Variants in ERAP2 observed in about 807,000 individuals in gnomAD.
The protein encoded by ERAP2 is leukocyte-derived arginine aminopeptidase.
A neutral mutation model predicts 111.1 loss-of-function variants in ERAP2; 118 were observed. That is an observed-to-expected ratio of 1.06 (90% CI 0.92 to 1.24). The LOEUF is 1.24. Among genes scored for constraint, ERAP2 ranks in the 50% most tolerant of loss-of-function variants. The pLI is 0.00. For synonymous variants in ERAP2, 410 were observed against 401.2 expected (o/e 1.02, Z -0.26); for missense variants, 1,131 against 1,125.8 (o/e 1.00, Z -0.07).
intron 3 of ERAP2, 101 bp downstream of exon 3, chr5:96,884,031 T>C (rs1783448881): frequency 9.7e-7 from 1 of 1,034,198 alleles, no homozygotes; most frequent in Admixed American, 3.0e-5. Flanking sequence ...CATTAATTTG[T>C]TTTTATCTAT....
intron 9 of ERAP2, among the ~76,000 whole-genome samples, chr5:96,897,510 GATA>G (rs1237335002): frequency 6.7e-6 from 1 of 150,008 alleles, no homozygotes; most frequent in Non-Finnish European, 1.5e-5. Context: ...GTTCAATAAT[GATA>G]ATGTGCTTAA....
intron 17 of ERAP2, among the ~76,000 whole-genome samples, chr5:96,914,303 T>C (rs1472120866): frequency 6.6e-6 from 1 of 152,198 alleles, no homozygotes; most frequent in African/African-American, 2.4e-5. Context: ...GCATCCCTGA[T>C]ATCATTAATT....
At chr5:96,884,891 C>T (rs921131321) in intron 3 of ERAP2, among the ~76,000 whole-genome samples, 1 of 152,184 alleles carries the variant, frequency 6.6e-6, no homozygotes, top group Non-Finnish European at 1.5e-5. Flanking sequence ...GTGACAATTG[C>T]CATGCAAGTA....
At chr5:96,887,414 C>T (rs1783872359) in intron 4 of ERAP2, among the ~76,000 whole-genome samples, 1 of 151,492 alleles carries the variant, frequency 6.6e-6, no homozygotes, top group Admixed American at 6.6e-5. Flanking sequence ...AATTCTCCTG[C>T]CTCAGCCTCC....
chr5:96,886,133 T>C (rs548822247), intron 3 of ERAP2, among the ~76,000 whole-genome samples: 1 of 152,312 alleles, frequency 6.6e-6, no homozygotes, highest in East Asian at 1.9e-4. Context: ...TCTGTGAACA[T>C]TTCAGAGTCT....
Position 96,879,932 on chromosome 5 carries a change from C to A in ERAP2, c.247C>A (p.His83Asn). Residue 83 changes from histidine (H) to asparagine (N), a missense_variant, in exon 2 of 19, where the codon CAC (histidine) becomes AAC (asparagine). Physicochemically the swap from His to Asn is moderately conservative, Grantham distance 68 (BLOSUM62 1). This residue lies in a region of ERAP2 where 847 missense variants were observed against 856.5 expected (regional missense o/e 0.99). Coordinates refer to ENST00000437043, the MANE Select transcript of ERAP2 (RefSeq NM_022350.5). Reference protein sequence around the residue: ...VIPLHYDLFVHPNLTSLDFVA... With the variant: ...VIPLHYDLFVNPNLTSLDFVA... ...TCCTCTCCATTATGACCTCTTTGTCCACCCCAATCTCACCTCTCTGGACTT... is the reference window on the plus strand; with the variant it reads ...TCCTCTCCATTATGACCTCTTTGTCAACCCCAATCTCACCTCTCTGGACTT... The A allele has an allele frequency of 6.2e-7, 1 of 1,614,150 alleles. No homozygotes were observed. Among genetic ancestry groups the A allele is most frequent in the Non-Finnish European group, 8.5e-7 (1 of 1,180,028 alleles).
rs764833049 is a variant in ERAP2 at position 96,901,641 on chromosome 5, G to T, written c.1708G>T (p.Val570Phe). The T allele has an allele frequency of 1.9e-6, 3 of 1,613,932 alleles. No individual in the cohort carries two copies. In the African/African-American group the frequency reaches 4.0e-5, roughly 22 times the overall value. ...RLQQERFLQG[V>F]FQEDPEWRAL... Reference sequence around the variant, plus strand: ...GCAACAGGAGCGCTTCCTCCAGGGGGTTTTCCAGGAAGACCCTGAATGGAG... The same window carrying T: ...GCAACAGGAGCGCTTCCTCCAGGGGTTTTTCCAGGAAGACCCTGAATGGAG... The change falls in exon 11 of 19, where the codon GTT becomes TTT. Residue 570 changes from valine (V) to phenylalanine (F), a missense_variant. Val to Phe is a conservative substitution (Grantham distance 50). Coordinates refer to ENST00000437043, the MANE Select transcript of ERAP2 (RefSeq NM_022350.5).
At position 96,903,402 on chromosome 5, in the gene ERAP2, C is replaced by T. The variant is rs750768629; in HGVS notation, c.1854C>T (p.Thr618=). ...KTDTLDLPEK[T]SWVKFNVDSN... is the part of the protein sequence containing the mutation. ...ATACTCTGGATCTACCTGAAAAGAC[C>T]AGTTGGGTGAAATTTAATGTGGACT... Residue 618 remains threonine (T), a synonymous_variant, in exon 13 of 19, where the codon ACC becomes ACT. Transcript: ENST00000437043. 7.4e-6 allele frequency: 12 copies of T among 1,612,858 alleles called. No homozygotes were observed. Among genetic ancestry groups the T allele is most frequent in the Non-Finnish European group, 1.0e-5 (12 of 1,179,540 alleles).
At chr5:96,914,148 TCACA>T (rs1554061288) in intron 17 of ERAP2, among the ~76,000 whole-genome samples, 1 of 147,980 alleles carries the variant, frequency 6.8e-6, no homozygotes, top group African/African-American at 2.5e-5. Context: ...TCTCTCTCTC[TCACA>T]CACACACACA....
Position 96,909,666 on chromosome 5 carries a change from G to C in ERAP2, c.2256G>C (p.Ser752=). ...KGSVWDRMLR[S]ALLKLACDLN... Reference sequence around the variant, plus strand: ...CAGTCTGGGACAGGATGCTCCGCTCGGCTCTCTTGAAGCTGGCCTGTGACC... The same window carrying C: ...CAGTCTGGGACAGGATGCTCCGCTCCGCTCTCTTGAAGCTGGCCTGTGACC... Residue 752 remains serine (S), a synonymous_variant, in exon 15 of 19, where the codon TCG becomes TCC. Transcript: ENST00000437043. The C allele has an allele frequency of 6.2e-7, 1 of 1,614,150 alleles. No individual in the cohort carries two copies. Among genetic ancestry groups the C allele is most frequent in the Non-Finnish European group, 8.5e-7 (1 of 1,180,020 alleles).
At chr5:96,906,748 C>T (rs1028634547) in intron 13 of ERAP2, among the ~76,000 whole-genome samples, 1 of 152,106 alleles carries the variant, frequency 6.6e-6, no homozygotes, top group African/African-American at 2.4e-5. Flanking sequence ...GAGAAAACCC[C>T]ACATTGGGCG....
At chr5:96,895,162 AAGTT>A (rs1784744918) in intron 6 of ERAP2, 80 bp from the exon 7 acceptor site, 14 of 778,088 alleles carry the variant, frequency 1.8e-5, no homozygotes, top group East Asian at 1.1e-4. Context: ...AATAAAAAAA[AAGTT>A]AGTAACTATT....
chr5:96,880,922 G>A (rs1426524291), intron 2 of ERAP2: 2 of 158,728 alleles, frequency 1.3e-5, no homozygotes, highest in Admixed American at 5.9e-5. Flanking sequence ...AATGAGGCTG[G>A]AGATTGAAAC....
intron 6 of ERAP2, among the ~76,000 whole-genome samples, chr5:96,893,292 TATC>T (rs962903817): frequency 6.6e-6 from 1 of 152,174 alleles, no homozygotes; most frequent in African/African-American, 2.4e-5. Flanking sequence ...AGTGGGCAAA[TATC>T]ATTCTGTTGT....
chr5:96,881,959 T>C (rs148488906), intron 2 of ERAP2, among the ~76,000 whole-genome samples: 1 of 137,932 alleles, frequency 7.2e-6, no homozygotes, highest in African/African-American at 2.7e-5. Flanking sequence ...AGGATTCCAC[T>C]GGAACCAAGG....
chr5:96,917,469 T>C lies in ERAP2; in HGVS notation c.2747T>C (p.Leu916Pro), dbSNP rs777803524. The stretch of plus-strand genomic sequence containing the variant: ...TTCTTCAATATTTTACAGGTGAAAC[T>C]ATTTTTTGAATCTCTTGAGGCTCAA... ...SSKDKLQEVK[L>P]FFESLEAQGS... Residue 916 changes from leucine to proline, a missense_variant, in exon 19 of 19, where the codon CTA becomes CCA. Physicochemically the swap from Leu to Pro is moderately conservative, Grantham distance 98. Coordinates refer to ENST00000437043, the MANE Select transcript of ERAP2 (RefSeq NM_022350.5). 2 of 1,607,300 alleles carry C rather than the reference T, an allele frequency of 1.2e-6. No individual in the cohort carries two copies. The highest frequency in any genetic ancestry group is 2.2e-5 in the South Asian group (2 of 90,498).
chr5:96,901,983 T>C (rs1305416138), intron 11 of ERAP2, among the ~76,000 whole-genome samples: 1 of 152,248 alleles, frequency 6.6e-6, no homozygotes, highest in Non-Finnish European at 1.5e-5. Flanking sequence ...TTCTTTCCCA[T>C]ACAAACAGCA....
chr5:96,895,031 A>C (rs941422892), intron 6 of ERAP2, among the ~76,000 whole-genome samples: 8 of 152,032 alleles, frequency 5.3e-5, no homozygotes, highest in South Asian at 2.1e-4. Context: ...AGAACACACA[A>C]AAAAAAGAAA....
rs532557386 is a variant in ERAP2 at position 96,919,627 on chromosome 5, A to G, written c.*2022A>G. The G allele has an allele frequency of 3.1e-4, 47 of 152,278 alleles. No homozygotes were observed. The highest frequency in any genetic ancestry group is 1.1e-3 in the African/African-American group (47 of 41,560). The allele number at this position is 152,278 out of a possible 1,614,324, so 9.4% of individuals were successfully genotyped here. A position where few individuals can be genotyped will look rare whatever the true frequency, so the allele number is the denominator to read the frequency against. Reference sequence around the variant, plus strand: ...AAAGAATTGAGTACAGAAAGTAGCAATTTTATTATTTGATGATAATATGAG... The same window carrying G: ...AAAGAATTGAGTACAGAAAGTAGCAGTTTTATTATTTGATGATAATATGAG... On this transcript the variant is annotated 3_prime_UTR_variant, in exon 19 of 19. Coordinates refer to ENST00000437043, the MANE Select transcript of ERAP2 (RefSeq NM_022350.5).
Sources: gnomAD v4.1 joint callset for allele counts (sites outside exome capture counted in the v4.1 genomes callset) on GRCh38, gnomAD v4.1.1 for gene constraint, gnomAD v4.1.1 regional missense constraint, MANE v1.5 for transcripts, NCBI Gene and HGNC (gene_info 2026-07-23, HGNC 2026-07-21) for gene names.